Variants in PPP3CA observed in about 807,000 individuals in gnomAD.
PPP3CA encodes the protein protein phosphatase 3 catalytic subunit alpha.
A neutral mutation model predicts 66.5 loss-of-function variants in PPP3CA; 14 were observed. The ratio of observed to expected loss-of-function variants is 0.21; its 90% CI spans 0.14 to 0.33. PPP3CA has a LOEUF of 0.33. PPP3CA is among the 10% of genes least tolerant of loss of function. The probability of loss-of-function intolerance (pLI) is 1.00; values close to 1 mark genes in which losing one functional copy is unlikely to be tolerated. For missense variants in PPP3CA, 317 were observed against 639.5 expected, an observed-to-expected ratio of 0.50 and a Z score of 5.44; for synonymous variants, 232 against 226.2, an observed-to-expected ratio of 1.03 and a Z score of -0.23.
chr4:101,090,641 CAAAA>C (rs1218660976), intron 6 of PPP3CA, among the ~76,000 whole-genome samples: 2 of 65,664 alleles, frequency 3.0e-5, no homozygotes, highest in Non-Finnish European at 2.9e-5. Context: ...GACTCTGTCT[CAAAA>C]AAAAAAAAAA....
At chr4:101,274,298 C>T (rs1457703447) in intron 1 of PPP3CA, among the ~76,000 whole-genome samples, 1 of 152,118 alleles carries the variant, frequency 6.6e-6, no homozygotes, top group Admixed American at 6.6e-5. Context: ...GGCGACAGAG[C>T]AAGACTCCGT....
chr4:101,118,544 A>T (rs1721920947), intron 2 of PPP3CA, among the ~76,000 whole-genome samples: 1 of 152,030 alleles, frequency 6.6e-6, no homozygotes, highest in Non-Finnish European at 1.5e-5. Flanking sequence ...GAATATTATC[A>T]TCATAATTGC....
intron 10 of PPP3CA, among the ~76,000 whole-genome samples, chr4:101,043,762 C>T (rs924096935): frequency 1.3e-5 from 2 of 151,990 alleles, no homozygotes; most frequent in Admixed American, 1.3e-4. Flanking sequence ...GTATTCCCAG[C>T]TACTCAGGAG....
chr4:101,206,858 A>G (rs971482139), intron 1 of PPP3CA, among the ~76,000 whole-genome samples: 3 of 152,230 alleles, frequency 2.0e-5, no homozygotes, highest in Non-Finnish European at 2.9e-5. Flanking sequence ...TAAAAATGAT[A>G]GTCAATAGCC....
chr4:101,184,610 C>T (rs1724349432), intron 2 of PPP3CA, among the ~76,000 whole-genome samples: 1 of 151,190 alleles, frequency 6.6e-6, no homozygotes, highest in South Asian at 2.1e-4. Flanking sequence ...AAAATAATTT[C>T]ACCTGTTTCT....
At chr4:101,204,635 CAAAA>C (rs55925064) in intron 1 of PPP3CA, among the ~76,000 whole-genome samples, 12,798 of 106,704 alleles carry the variant, frequency 0.12, 570 homozygotes, top group East Asian at 0.25. Context: ...GACTCCATCT[CAAAA>C]AAAAAAAAAA....
chr4:101,139,696 G>GTTTTTTTTTTT (rs372257350), intron 2 of PPP3CA, among the ~76,000 whole-genome samples: 226 of 98,220 alleles, frequency 2.3e-3, no homozygotes, highest in Middle Eastern at 6.3e-3. Context: ...TTTTTTTTGT[G>GTTTTTTTTTTT]TTTTTTTTTT....
At chr4:101,106,150 C>T (rs1165557522) in intron 3 of PPP3CA, among the ~76,000 whole-genome samples, 1 of 151,604 alleles carries the variant, frequency 6.6e-6, no homozygotes, top group Admixed American at 6.6e-5. Flanking sequence ...TCGTAAGACC[C>T]TGTGTCTACT....
At chr4:101,151,549 ACT>A (rs1723138040) in intron 2 of PPP3CA, among the ~76,000 whole-genome samples, 1 of 144,772 alleles carries the variant, frequency 6.9e-6, no homozygotes, top group Non-Finnish European at 1.5e-5. Context: ...ACAAAGCAAG[ACT>A]CTGTATCAAA....
rs1398751400 is a variant in PPP3CA, at chr4:101,114,313, A to G, written c.260-5235T>C. Among the ~76,000 whole-genome samples the G allele has an allele frequency of 3.9e-5, 6 of 152,256 alleles. No homozygotes were observed. In the South Asian group the frequency reaches 8.3e-4, roughly 21 times the overall value. On this transcript the variant is annotated intron_variant, in intron 2 of 13. Transcript: ENST00000394854. ...CACATTAAATATATTGAAATAAAAC[A>G]TAAGTTTATTTTTCTGGAGCATTAC...
At chr4:101,277,907 A>T (rs1333387508) in intron 1 of PPP3CA, among the ~76,000 whole-genome samples, 1 of 152,120 alleles carries the variant, frequency 6.6e-6, no homozygotes, top group Non-Finnish European at 1.5e-5. Flanking sequence ...AAGTCATAAC[A>T]CTGAGATAGT....
chr4:101,294,273 C>G (rs1302644526), intron 1 of PPP3CA, among the ~76,000 whole-genome samples: 1 of 152,148 alleles, frequency 6.6e-6, no homozygotes, highest in Non-Finnish European at 1.5e-5. Context: ...TAATCCAGTA[C>G]TAACGTGGGA....
At chr4:101,271,544 T>TA (rs1416281351) in intron 1 of PPP3CA, among the ~76,000 whole-genome samples, 1 of 152,076 alleles carries the variant, frequency 6.6e-6, no homozygotes, top group Non-Finnish European at 1.5e-5. Flanking sequence ...AAAACACAAA[T>TA]AAAAAAGCAT....
In PPP3CA at chr4:101,189,700, A is replaced by C. The variant is rs554958981; in HGVS notation, c.259+6216T>G. Among the ~76,000 whole-genome samples the C allele has an allele frequency of 7.2e-4, 109 of 151,352 alleles. 1 individual carries two copies. Among genetic ancestry groups the C allele is most frequent in the African/African-American group, 1.3e-3 (54 of 41,338 alleles). ...GATAGTGAACGGCAAAAAAAAAAAA[A>C]AAAACAAAACCAAAAGAACCTAACA... On this transcript the variant is annotated intron_variant, in intron 2 of 13. Coordinates refer to ENST00000394854, the MANE Select transcript of PPP3CA (RefSeq NM_000944.5).
At chr4:101,330,674 A>G (rs761120758) in intron 1 of PPP3CA, among the ~76,000 whole-genome samples, 4 of 152,130 alleles carry the variant, frequency 2.6e-5, no homozygotes, top group Non-Finnish European at 5.9e-5. Flanking sequence ...CAAACCGACA[A>G]TATCTCCAAA....
At chr4:101,340,419 TA>T (rs893108916) in intron 1 of PPP3CA, among the ~76,000 whole-genome samples, 5 of 152,192 alleles carry the variant, frequency 3.3e-5, no homozygotes, top group African/African-American at 1.2e-4. Flanking sequence ...TGAGGGCTTT[TA>T]TTTTTTTAAT....
At chr4:101,222,343 TCA>T (rs1165958785) in intron 1 of PPP3CA, among the ~76,000 whole-genome samples, 1 of 151,618 alleles carries the variant, frequency 6.6e-6, no homozygotes, top group East Asian at 1.9e-4. Context: ...ATCAGATATC[TCA>T]GTTTGTAAAA....
chr4:101,218,389 A>T (rs1338597131), intron 1 of PPP3CA, among the ~76,000 whole-genome samples: 1 of 152,104 alleles, frequency 6.6e-6, no homozygotes, highest in Non-Finnish European at 1.5e-5. Context: ...AACCCGTTAA[A>T]AACTGAATTT....
chr4:101,278,122 T>TAAAAAAAAAAAAAAAAAAAAAAAAAAAAA (rs3077992), intron 1 of PPP3CA, among the ~76,000 whole-genome samples: 11 of 112,158 alleles, frequency 9.8e-5, no homozygotes, highest in African/African-American at 4.4e-4. Flanking sequence ...AAGCTATTAG[T>TAAAAAAAAAAAAAAAAAAAAAAAAAAAAA]AAAAAAAAAA....
Sources: gnomAD v4.1 joint callset for allele counts (sites outside exome capture counted in the v4.1 genomes callset) on GRCh38, gnomAD v4.1.1 for gene constraint, MANE v1.5 for transcripts, NCBI Gene and HGNC (gene_info 2026-07-23, HGNC 2026-07-21) for gene names.